Variants in RERE observed in about 807,000 individuals in gnomAD.
RERE encodes the protein arginine-glutamic acid dipeptide repeats protein.
Under a neutral mutation model 146.1 loss-of-function variants are expected in RERE, and 40 were observed. The observed-to-expected ratio is 0.27, with a 90% CI of 0.21 to 0.36. RERE has a LOEUF of 0.36. RERE is among the 10% of genes least tolerant of loss of function. RERE has a pLI of 1.00. For synonymous variants in RERE, 1,003 were observed against 866.0 expected (o/e 1.16, Z -2.78); for missense variants, 1,933 against 2,138.7 (o/e 0.90, Z 1.90).
chr1:8,362,923 G>T, intron 15 of RERE, 79 bp from the exon 16 acceptor site: 3 of 1,492,974 alleles, frequency 2.0e-6, no homozygotes, highest in Non-Finnish European at 2.7e-6. Flanking sequence ...CCCACAGGCA[G>T]AAGCCTGAAG....
chr1:8,632,651 T>C (rs1647048457), intron 2 of RERE, among the ~76,000 whole-genome samples: 1 of 152,216 alleles, frequency 6.6e-6, no homozygotes, highest in Non-Finnish European at 1.5e-5. Flanking sequence ...GTTCTCAGTT[T>C]TGTAAATGCA....
At chr1:8,442,740 G>T (rs891716708) in intron 11 of RERE, among the ~76,000 whole-genome samples, 1 of 152,322 alleles carries the variant, frequency 6.6e-6, no homozygotes, top group Non-Finnish European at 1.5e-5. Context: ...AGAGTTTGCA[G>T]GGCTCAGAAG....
chr1:8,416,722 T>G (rs185652188), intron 12 of RERE, among the ~76,000 whole-genome samples: 1 of 152,194 alleles, frequency 6.6e-6, no homozygotes, highest in African/African-American at 2.4e-5. Context: ...ATAGTGAAAC[T>G]TTACAATTTT....
In RERE at chr1:8,660,286, CA is replaced by C. The variant is rs1473999887; in HGVS notation, c.-144-3846del. 5.3e-5 allele frequency among the ~76,000 whole-genome samples: 8 copies of C among 152,108 alleles called. No individual in the cohort carries two copies. In the East Asian group the frequency reaches 1.5e-3, roughly 29 times the overall value. ...TTAGTGTACAGTGATCAACACATACCAATGATGTGACAGATAAAGAAAGGGA... is the reference window on the plus strand; with the variant it reads ...TTAGTGTACAGTGATCAACACATACCATGATGTGACAGATAAAGAAAGGGA... On this transcript the variant is annotated intron_variant, in intron 1 of 22. Transcript: ENST00000400908.
At chr1:8,414,708 T>A (rs1427729694) in intron 12 of RERE, among the ~76,000 whole-genome samples, 3 of 152,118 alleles carry the variant, frequency 2.0e-5, no homozygotes, top group Admixed American at 1.3e-4. Flanking sequence ...CATGGGCCAT[T>A]AATACTGAAA....
chr1:8,368,287 T>C (rs1212672304), intron 12 of RERE, among the ~76,000 whole-genome samples: 1 of 151,858 alleles, frequency 6.6e-6, no homozygotes, highest in Non-Finnish European at 1.5e-5. Flanking sequence ...CTGGCTAACA[T>C]GGTGAAACCC....
In RERE at chr1:8,625,424, T is replaced by C. The variant is rs909013061; in HGVS notation, c.326-1044A>G. ...AGTCTACGTATTATTTACTGAAAAG[T>C]AAAGGCACAGTCAATGAAATCTAGG... is the stretch of plus-strand genomic sequence containing the variant. On this transcript the variant is annotated intron_variant, in intron 2 of 22. Transcript: ENST00000400908. Among the ~76,000 whole-genome samples the C allele has an allele frequency of 2.0e-5, 3 of 152,194 alleles. No individual in the cohort carries two copies. The East Asian group carries it at 5.8e-4, about 29-fold the overall frequency.
intron 1 of RERE, among the ~76,000 whole-genome samples, chr1:8,775,983 C>G (rs1641056259): frequency 6.6e-6 from 1 of 152,186 alleles, no homozygotes; most frequent in African/African-American, 2.4e-5. Flanking sequence ...TCTTAGCAAT[C>G]ATGCCACACT....
At chr1:8,511,404 T>A (rs76822402) in intron 7 of RERE, among the ~76,000 whole-genome samples, 1 of 152,238 alleles carries the variant, frequency 6.6e-6, no homozygotes, top group African/African-American at 2.4e-5. Context: ...TTAAATTGTA[T>A]GTAACTTTTA....
chr1:8,538,549 G>A (rs906303746), intron 7 of RERE, among the ~76,000 whole-genome samples: 4 of 152,244 alleles, frequency 2.6e-5, no homozygotes, highest in East Asian at 1.9e-4. Flanking sequence ...GGAAATGTTC[G>A]GGATAACACC....
chr1:8,517,008 C>G (rs1481387231), intron 7 of RERE, among the ~76,000 whole-genome samples: 1 of 152,104 alleles, frequency 6.6e-6, no homozygotes, highest in African/African-American at 2.4e-5. Flanking sequence ...ATGGATAGCT[C>G]TGTCTCTTCA....
At chr1:8,601,017 C>CCTTT in intron 4 of RERE, among the ~76,000 whole-genome samples, 1 of 95,066 alleles carries the variant, frequency 1.1e-5, no homozygotes, top group East Asian at 3.3e-4. Context: ...GTCTCCCAAA[C>CCTTT]TTTTTTTTTT....
intron 1 of RERE, among the ~76,000 whole-genome samples, chr1:8,813,332 G>A (rs1210738305): frequency 2.0e-5 from 3 of 152,170 alleles, no homozygotes; most frequent in Non-Finnish European, 4.4e-5. Flanking sequence ...GCTGCCAAAA[G>A]TAGCTTAGTA....
intron 12 of RERE, 40 bp from the exon 13 acceptor site, chr1:8,366,014 G>C: frequency 6.3e-7 from 1 of 1,597,396 alleles, no homozygotes; most frequent in Non-Finnish European, 8.6e-7. Flanking sequence ...AGGGCCTGGG[G>C]CTTTTCCGTG....
intron 2 of RERE, among the ~76,000 whole-genome samples, chr1:8,630,025 A>G (rs375039660): frequency 2.0e-5 from 3 of 152,140 alleles, no homozygotes; most frequent in South Asian, 2.1e-4. Flanking sequence ...TCTCCTCTAC[A>G]TGACTCCTCC....
chr1:8,533,197 A>T (rs1645680384), intron 7 of RERE, among the ~76,000 whole-genome samples: 1 of 152,238 alleles, frequency 6.6e-6, no homozygotes, highest in Admixed American at 6.5e-5. Context: ...CCTTGAAACA[A>T]GAGAACAGTG....
intron 7 of RERE, among the ~76,000 whole-genome samples, chr1:8,513,507 A>G (rs144025435): frequency 6.6e-6 from 1 of 152,264 alleles, no homozygotes; most frequent in African/African-American, 2.4e-5. Context: ...TTGATACTAC[A>G]CCAAAAACTC....
chr1:8,722,714 T>G (rs958773263), intron 1 of RERE, among the ~76,000 whole-genome samples: 1 of 152,248 alleles, frequency 6.6e-6, no homozygotes, highest in African/African-American at 2.4e-5. Context: ...TACATTGCAC[T>G]GAATACTATA....
At chr1:8,407,379 A>G (rs1390971156) in intron 12 of RERE, among the ~76,000 whole-genome samples, 1 of 152,214 alleles carries the variant, frequency 6.6e-6, no homozygotes, top group Non-Finnish European at 1.5e-5. Flanking sequence ...TCGCATCTCA[A>G]CAGCTCTAGG....
Sources: allele counts gnomAD v4.1 joint callset (sites outside exome capture counted in the v4.1 genomes callset), GRCh38; gene constraint gnomAD v4.1.1; transcripts MANE v1.5; gene names NCBI Gene and HGNC (gene_info 2026-07-23, HGNC 2026-07-21).